LGALS3BP: variants seen among roughly 807,000 people sequenced by gnomAD.
LGALS3BP encodes the protein galectin-3-binding protein.
A neutral mutation model predicts 22.9 loss-of-function variants in LGALS3BP; 25 were observed. That is an observed-to-expected ratio of 1.09 (90% confidence interval 0.80 to 1.53). The LOEUF (loss-of-function observed/expected upper bound fraction) is 1.53. LGALS3BP is among the 40% of genes most tolerant of loss of function. The probability of loss-of-function intolerance (pLI) is 0.00; values close to 1 mark genes in which losing one functional copy is unlikely to be tolerated. For synonymous variants in LGALS3BP, 335 were observed against 331.1 expected, an observed-to-expected ratio of 1.01 and a Z score of -0.13; for missense variants, 718 against 752.0, an observed-to-expected ratio of 0.95 and a Z score of 0.53.
At position 78,971,319 on chromosome 17, in the gene LGALS3BP, T is replaced by TG. The variant is rs35276488; in HGVS notation, c.*256dup. On this transcript the variant is annotated 3_prime_UTR_variant, in exon 6 of 6. Transcript: ENST00000262776. This position sits in a 1 kb window ranked among gnomAD's most constrained non-coding sequence, Gnocchi z 5.6. ...ACAAGGGCAGACTGACCAGGGGCTG[T>TG]GGGGGGATCCCAGAGCAACCTCGAG... 1.1e-5 allele frequency: 6 copies of TG among 537,472 alleles called. No homozygotes were observed. The highest frequency in any genetic ancestry group is 3.3e-6 in the Non-Finnish European group (1 of 300,824). 33.3% of individuals were successfully genotyped at this position (537,472 alleles called of 1,614,324 possible). A position where few individuals can be genotyped will look rare whatever the true frequency, so the allele number is the denominator to read the frequency against.
rs748280194 is a variant in LGALS3BP, at chr17:78,975,996, G to A, written c.213C>T (p.Thr71=). ...VCRALGFENA[T]QALGRAAFGQ... is the part of the protein sequence containing the mutation. ...CGAAGGCAGCTCTGCCCAGAGCCTG[G>A]GTGGCGTTCTCGAAGCCCAGGGCCC... is the stretch of plus-strand genomic sequence containing the variant. The change falls in exon 3 of 6, where the codon ACC becomes ACT. Residue 71 remains threonine, a synonymous_variant. Transcript: ENST00000262776. 1.7e-4 allele frequency: 276 copies of A among 1,611,796 alleles called. No homozygotes were observed. Among genetic ancestry groups the A allele is most frequent in the Admixed American group, 5.0e-5 (3 of 59,858 alleles).
At position 78,972,485 on chromosome 17, in the gene LGALS3BP, C is replaced by A; in HGVS notation, c.849G>T (p.Leu283=). The A allele has an allele frequency of 6.2e-7, 1 of 1,613,366 alleles. No homozygotes were observed. The highest frequency in any genetic ancestry group is 8.5e-7 in the Non-Finnish European group (1 of 1,179,962). ...ALLEKLCLQF[L]AWNFEALTQA... is the part of the protein sequence containing the mutation. ...GCGTCAAGGCCTCGAAGTTCCAGGC[C>A]AGGAACTGTAGGCAGAGCTTCTCCA... The change falls in exon 6 of 6, where the codon CTG becomes CTT. Residue 283 remains leucine, a synonymous_variant. Transcript: ENST00000262776. This position sits in a 1 kb window ranked among gnomAD's most constrained non-coding sequence, Gnocchi z 5.1.
In LGALS3BP at chr17:78,972,904, GC is replaced by G. The variant is rs1263649327; in HGVS notation, c.629+65del. The G allele has an allele frequency of 6.5e-7, 1 of 1,545,258 alleles. No homozygotes were observed. The highest frequency in any genetic ancestry group is 8.7e-7 in the Non-Finnish European group (1 of 1,144,070). Reference sequence around the variant, plus strand: ...TGCAGGTGTGTGTGTGGGGGGCTGTGCTTTTGAAGAGGGGAGGAGGACAAAG... The same window carrying G: ...TGCAGGTGTGTGTGTGGGGGGCTGTGTTTTGAAGAGGGGAGGAGGACAAAG... On this transcript the variant is annotated intron_variant, in intron 5 of 5. Transcript: ENST00000262776. The surrounding 1 kb of genome is among the most constrained non-coding windows in gnomAD (Gnocchi z 5.1).
At position 78,971,379 on chromosome 17, in the gene LGALS3BP, G is replaced by A; in HGVS notation, c.*197C>T. On this transcript the variant is annotated 3_prime_UTR_variant, in exon 6 of 6. Coordinates refer to ENST00000262776, the MANE Select transcript of LGALS3BP (RefSeq NM_005567.4). This position sits in a 1 kb window ranked among gnomAD's most constrained non-coding sequence, Gnocchi z 5.6. ...GTGCTTACCACCTGGAAACTGGTGA[G>A]GTGGTGGGAGAACTCCTGGTGGACC... The A allele has an allele frequency of 1.7e-6, 1 of 595,108 alleles. No individual in the cohort carries two copies. The highest frequency in any genetic ancestry group is 3.0e-6 in the Non-Finnish European group (1 of 338,390). The allele number at this position is 595,108 out of a possible 1,614,324, so 36.9% of individuals were successfully genotyped here. A position where few individuals can be genotyped will look rare whatever the true frequency, so the allele number is the denominator to read the frequency against.
intron 2 of LGALS3BP, 55 bp downstream of exon 2, chr17:78,977,085 G>A (rs1232548246): frequency 6.3e-7 from 1 of 1,582,758 alleles, no homozygotes; most frequent in Admixed American, 1.7e-5. Context: ...GCAGCCCCAG[G>A]GTGCACCAGC....
chr17:78,972,556 G>T lies in LGALS3BP; in HGVS notation c.778C>A (p.Pro260Thr), dbSNP rs150635371. 1 of 1,605,008 alleles carries T rather than the reference G, an allele frequency of 6.2e-7. No individual in the cohort carries two copies. The highest frequency in any genetic ancestry group is 1.7e-5 in the Admixed American group (1 of 59,620). The change falls in exon 6 of 6, where the codon CCC becomes ACC. Residue 260 changes from proline to threonine, a missense_variant. Transcript: ENST00000262776. The surrounding 1 kb of genome is among the most constrained non-coding windows in gnomAD (Gnocchi z 5.1). ...LLPQDPSFQM[P>T]LDLYAYAVAT... ...ACTGCATAGGCATACAGGTCCAGGG[G>T]CATCTGGAACGAGGGGTCCTGGGGG...
Position 78,976,295 on chromosome 17 carries a change from G to A in LGALS3BP, c.53-139C>T. 3 of 713,598 alleles carry A rather than the reference G, an allele frequency of 4.2e-6. No homozygotes were observed. Among genetic ancestry groups the A allele is most frequent in the Non-Finnish European group, 6.7e-6 (3 of 450,866 alleles). The allele number at this position is 713,598 out of a possible 1,614,324, so 44.2% of individuals were successfully genotyped here. A position where few individuals can be genotyped will look rare whatever the true frequency, so the allele number is the denominator to read the frequency against. ...TCAAGGTCCCCTGGCCTCTCCATGA[G>A]GGGCACCTCCATGAGGGAGGAGTGG... is the stretch of plus-strand genomic sequence containing the variant. On this transcript the variant is annotated intron_variant, in intron 2 of 5. Transcript: ENST00000262776. This position sits in a 1 kb window ranked among gnomAD's most constrained non-coding sequence, Gnocchi z 4.6.
Position 78,976,221 on chromosome 17 carries a change from C to A in LGALS3BP, c.53-65G>T, listed in dbSNP as rs1340402055. The A allele has an allele frequency of 8.0e-6, 11 of 1,382,746 alleles. No individual in the cohort carries two copies. The highest frequency in any genetic ancestry group is 1.1e-5 in the Non-Finnish European group (11 of 1,028,174). The allele number at this position is 1,382,746 out of a possible 1,614,324, so 85.7% of individuals were successfully genotyped here. On this transcript the variant is annotated intron_variant, in intron 2 of 5. Transcript: ENST00000262776. The surrounding 1 kb of genome is among the most constrained non-coding windows in gnomAD (Gnocchi z 4.6). ...AGCACCCACCGCCCACACCTCCAGG[C>A]CCCATATGCTGTCCTGGGTCTCCCC...
Position 78,977,471 on chromosome 17 carries a change from C to A in LGALS3BP, c.-23-257G>T, listed in dbSNP as rs968127336. ...TAGATGAAGCGTGGGCTGGGGGCAC[C>A]CCCTGGCAGTAAGGGCAGCAAGAAT... On this transcript the variant is annotated intron_variant, in intron 1 of 5. Transcript: ENST00000262776. 1.7e-5 allele frequency: 7 copies of A among 415,906 alleles called. No homozygotes were observed. The Admixed American group carries it at 2.9e-4, about 17-fold the overall frequency. The allele number at this position is 415,906 out of a possible 1,614,324, so 25.8% of individuals were successfully genotyped here.
chr17:78,979,376 C>G (rs973865965), intron 1 of LGALS3BP: 3 of 152,300 alleles, frequency 2.0e-5, no homozygotes, highest in African/African-American at 7.2e-5. Context: ...ATGATTGTTG[C>G]TGGACTCAGG....
chr17:78,979,847 C>T lies in LGALS3BP; in HGVS notation c.-47G>A, dbSNP rs1405056577. The T allele has an allele frequency of 1.3e-5, 2 of 152,282 alleles. No individual in the cohort carries two copies. Among genetic ancestry groups the T allele is most frequent in the Admixed American group, 6.5e-5 (1 of 15,288 alleles). The allele number at this position is 152,282 out of a possible 1,614,324, so 9.4% of individuals were successfully genotyped here. ...ACCTGGCTGCGGTAGCTGCAACGGC[C>T]GTGTGGAGCCTCCTCGCTTCCAGCC... On this transcript the variant is annotated 5_prime_UTR_variant, in exon 1 of 6. Transcript: ENST00000262776.
chr17:78,971,828 AG>A lies in LGALS3BP; in HGVS notation c.1505del (p.Pro502LeufsTer22), dbSNP rs2070673958. 1 of 1,614,020 alleles carries A rather than the reference AG, an allele frequency of 6.2e-7. No individual in the cohort carries two copies. The highest frequency in any genetic ancestry group is 8.5e-7 in the Non-Finnish European group (1 of 1,180,040). On this transcript the variant is annotated frameshift_variant, in exon 6 of 6. Transcript: ENST00000262776. LOFTEE classifies it low-confidence loss of function (END_TRUNC). The surrounding 1 kb of genome is among the most constrained non-coding windows in gnomAD (Gnocchi z 5.6). ...CGCCAGACTTGGTGAGGCCCAGGAC[AG>A]GGAGCTCGTCCGAGGAGCAGGAGAA... Reference protein sequence around the residue: ...YGFSCSSDELPVLGLTKSGGS... With the variant: ...YGFSCSSDELXVLGLTKSGGS...
In LGALS3BP at chr17:78,972,893, T is replaced by G. The variant is rs187737854; in HGVS notation, c.629+77A>C. 2,583 of 1,522,242 alleles carry G rather than the reference T, an allele frequency of 1.7e-3. 2 individuals carry two copies. The highest frequency in any genetic ancestry group is 4.6e-3 in the African/African-American group (337 of 72,758). The allele number at this position is 1,522,242 out of a possible 1,614,324, so 94.3% of individuals were successfully genotyped here. On this transcript the variant is annotated intron_variant, in intron 5 of 5. Coordinates refer to ENST00000262776, the MANE Select transcript of LGALS3BP (RefSeq NM_005567.4). This position sits in a 1 kb window ranked among gnomAD's most constrained non-coding sequence, Gnocchi z 5.1. ...GCATGAGTATGTGCAGGTGTGTGTG[T>G]GGGGGGCTGTGCTTTTGAAGAGGGG...
chr17:78,971,387 G>A lies in LGALS3BP; in HGVS notation c.*189C>T, dbSNP rs2145821374. ...CACCTGGAAACTGGTGAGGTGGTGG[G>A]AGAACTCCTGGTGGACCCTAGTGGA... On this transcript the variant is annotated 3_prime_UTR_variant, in exon 6 of 6. Coordinates refer to ENST00000262776, the MANE Select transcript of LGALS3BP (RefSeq NM_005567.4). The surrounding 1 kb of genome is among the most constrained non-coding windows in gnomAD (Gnocchi z 5.6). 1.7e-6 allele frequency: 1 copy of A among 603,974 alleles called. No individual in the cohort carries two copies. The highest frequency in any genetic ancestry group is 2.9e-6 in the Non-Finnish European group (1 of 345,736). 37.4% of individuals were successfully genotyped at this position (603,974 alleles called of 1,614,324 possible). A position where few individuals can be genotyped will look rare whatever the true frequency, so the allele number is the denominator to read the frequency against.
In LGALS3BP at chr17:78,972,306, A is replaced by G. The variant is rs771404500; in HGVS notation, c.1028T>C (p.Val343Ala). The change falls in exon 6 of 6, where the codon GTG becomes GCG. Residue 343 changes from valine to alanine, a missense_variant. Coordinates refer to ENST00000262776, the MANE Select transcript of LGALS3BP (RefSeq NM_005567.4). The surrounding 1 kb of genome is among the most constrained non-coding windows in gnomAD (Gnocchi z 5.1). ...CATCATGGGGAAGCGGATCTTCTCC[A>G]CCAAGCCCTCCACCTCCTCATGGGA... ...RASHEEVEGL[V>A]EKIRFPMMLP... 9.3e-6 allele frequency: 15 copies of G among 1,613,294 alleles called. No homozygotes were observed. The highest frequency in any genetic ancestry group is 5.0e-5 in the Admixed American group (3 of 60,000).
rs1352919219 is a variant in LGALS3BP, at chr17:78,977,195, C to T, written c.-4G>A. 3.1e-6 allele frequency: 5 copies of T among 1,612,692 alleles called. No homozygotes were observed. Among genetic ancestry groups the T allele is most frequent in the Admixed American group, 1.7e-5 (1 of 59,994 alleles). ...AGAAGAGCCTCGGAGGGGTCATGGC[C>T]GTGCCTGGATGCCCAGATCCTGCAG... is the stretch of plus-strand genomic sequence containing the variant. On this transcript the variant is annotated 5_prime_UTR_variant, in exon 2 of 6. Coordinates refer to ENST00000262776, the MANE Select transcript of LGALS3BP (RefSeq NM_005567.4).
At chr17:78,978,898 T>G (rs1454839194) in intron 1 of LGALS3BP, among the ~76,000 whole-genome samples, 2 of 152,208 alleles carry the variant, frequency 1.3e-5, no homozygotes, top group East Asian at 3.9e-4. Flanking sequence ...ACCCCGGCTC[T>G]ACTAAAAATA....
intron 1 of LGALS3BP, 167 bp from the exon 2 acceptor site, chr17:78,977,381 A>T (rs1171827686): frequency 1.6e-6 from 1 of 608,812 alleles, no homozygotes; most frequent in Non-Finnish European, 2.9e-6. Flanking sequence ...TGTGCTGTGG[A>T]TGCCCCCGCG....
chr17:78,975,366 C>T (rs573215393), intron 3 of LGALS3BP, among the ~76,000 whole-genome samples: 1 of 152,162 alleles, frequency 6.6e-6, no homozygotes, highest in Non-Finnish European at 1.5e-5. Context: ...GGATAAACTC[C>T]CTGGAGTGGA....
Sources: gnomAD v4.1 joint callset for allele counts (sites outside exome capture counted in the v4.1 genomes callset) on GRCh38, gnomAD v4.1.1 for gene constraint, Gnocchi (gnomAD v3.1) non-coding constraint, MANE v1.5 for transcripts, NCBI Gene and HGNC (gene_info 2026-07-23, HGNC 2026-07-21) for gene names.